PDE4D: variants seen among roughly 807,000 people sequenced by gnomAD.
The protein encoded by PDE4D is 3',5'-cyclic-AMP phosphodiesterase 4D.
Under a neutral mutation model 87.4 loss-of-function variants are expected in PDE4D, and 24 were observed. The observed-to-expected ratio is 0.27, with a 90% CI of 0.20 to 0.39. The LOEUF is 0.39. Ranked by LOEUF, PDE4D falls within the 10% of genes least tolerant of loss-of-function variation. The pLI, the probability that PDE4D is intolerant of heterozygous loss-of-function variation, is 1.00. For missense variants in PDE4D, 714 were observed against 1,041.0 expected (o/e 0.69, Z 4.32); for synonymous variants, 384 against 383.2 (o/e 1.00, Z -0.02).
chr5:59,391,114 A>C (rs1379196651), intron 1 of PDE4D, among the ~76,000 whole-genome samples: 1 of 152,136 alleles, frequency 6.6e-6, no homozygotes, highest in Non-Finnish European at 1.5e-5. Context: ...GGTGAGCCTT[A>C]AGTAAGCATA....
rs552324959 is a variant in PDE4D at position 59,287,821 on chromosome 5, A to G, written c.456-71853T>C. ...AGAGAAAAAAGAGTCTCTGCCTGGTAATCCAGAGAATGACTCTGGATATTA... is the reference window on the plus strand; with the variant it reads ...AGAGAAAAAAGAGTCTCTGCCTGGTGATCCAGAGAATGACTCTGGATATTA... On this transcript the variant is annotated intron_variant, in intron 1 of 14. Coordinates refer to ENST00000340635, the MANE Select transcript of PDE4D (RefSeq NM_001104631.2). 5.3e-5 allele frequency among the ~76,000 whole-genome samples: 8 copies of G among 152,256 alleles called. No homozygotes were observed. In the South Asian group the frequency reaches 1.7e-3, roughly 32 times the overall value.
At chr5:59,776,153 A>G (rs1183001420) in intron 1 of PDE4D, among the ~76,000 whole-genome samples, 6 of 152,156 alleles carry the variant, frequency 3.9e-5, no homozygotes, top group Non-Finnish European at 8.8e-5. Flanking sequence ...TGAAACCTAG[A>G]TTTTTATCTG....
chr5:59,743,391 A>G (rs543147592), intron 1 of PDE4D, among the ~76,000 whole-genome samples: 3 of 152,154 alleles, frequency 2.0e-5, no homozygotes, highest in African/African-American at 2.4e-5. Context: ...TTGAACAGAC[A>G]TTTCTTCAAA....
chr5:60,518,809 CAGA>C (rs1466288649), intron 1 of PDE4D, among the ~76,000 whole-genome samples: 7 of 152,178 alleles, frequency 4.6e-5, no homozygotes, highest in Admixed American at 2.6e-4. Flanking sequence ...AAACTATCAT[CAGA>C]TGACTAAATT....
chr5:59,100,709 CT>C (rs1770587565), intron 5 of PDE4D, among the ~76,000 whole-genome samples: 1 of 152,168 alleles, frequency 6.6e-6, no homozygotes, highest in Admixed American at 6.5e-5. Flanking sequence ...AGTCTAACTG[CT>C]TGTCATACTA....
intron 1 of PDE4D, among the ~76,000 whole-genome samples, chr5:59,708,030 CCATA>C (rs1753695744): frequency 6.6e-6 from 1 of 152,122 alleles, no homozygotes; most frequent in South Asian, 2.1e-4. Context: ...TGAGGAATCG[CCATA>C]CAGTCTTCCA....
At position 59,355,690 on chromosome 5, in the gene PDE4D, C is replaced by T. The variant is rs977177498; in HGVS notation, c.456-139722G>A. On this transcript the variant is annotated intron_variant, in intron 1 of 14. Transcript: ENST00000340635. ...CCTTTAGCTGGCAAATTATATTTAC[C>T]TCTTGCCAAAGTTTGCTTATGCATT... is the stretch of plus-strand genomic sequence containing the variant. 9.2e-5 allele frequency among the ~76,000 whole-genome samples: 14 copies of T among 151,860 alleles called. No individual in the cohort carries two copies. The East Asian group carries it at 2.7e-3, about 29-fold the overall frequency.
At chr5:59,531,796 C>T (rs917809755) in intron 1 of PDE4D, among the ~76,000 whole-genome samples, 3 of 152,300 alleles carry the variant, frequency 2.0e-5, no homozygotes, top group African/African-American at 4.8e-5. Flanking sequence ...TGGGCTAATA[C>T]GGACACTACA....
intron 1 of PDE4D, among the ~76,000 whole-genome samples, chr5:59,627,797 C>A (rs1831071024): frequency 1.3e-5 from 2 of 152,198 alleles, no homozygotes; most frequent in African/African-American, 4.8e-5. Context: ...ATCACCCCAG[C>A]ACTGCTTATC....
At position 60,360,098 on chromosome 5, in the gene PDE4D, G is replaced by A. The variant is rs183916177; in HGVS notation, c.-90+127844C>T. 1.7e-3 allele frequency among the ~76,000 whole-genome samples: 259 copies of A among 152,302 alleles called. 5 individuals are homozygous for A. Among genetic ancestry groups the A allele is most frequent in the Admixed American group, 0.016 (250 of 15,300 alleles). On this transcript the variant is annotated intron_variant, in intron 1 of 16. Transcript: ENST00000502484. ...TGAAATGTCCCCATAGAGCTAAAGT[G>A]GATGTGATTTGTTGCTAGGGCACAA...
chr5:59,590,291 C>T (rs534897717), intron 1 of PDE4D, among the ~76,000 whole-genome samples: 10 of 152,208 alleles, frequency 6.6e-5, no homozygotes, highest in African/African-American at 2.4e-4. Flanking sequence ...AATCTAAAAA[C>T]AAGTTGTCAA....
At chr5:60,049,168 G>A (rs1333060252) in intron 2 of PDE4D, among the ~76,000 whole-genome samples, 3 of 152,084 alleles carry the variant, frequency 2.0e-5, no homozygotes, top group African/African-American at 4.8e-5. Flanking sequence ...CAGCTCCTGA[G>A]GCTTCTGCAT....
At chr5:60,119,032 A>T (rs1316614587) in intron 2 of PDE4D, among the ~76,000 whole-genome samples, 1 of 152,148 alleles carries the variant, frequency 6.6e-6, no homozygotes, top group Non-Finnish European at 1.5e-5. Flanking sequence ...TCTTCCTGAA[A>T]CATGGTCTGA....
intron 2 of PDE4D, among the ~76,000 whole-genome samples, chr5:60,105,235 T>C (rs1450458297): frequency 6.6e-6 from 1 of 152,016 alleles, no homozygotes; most frequent in African/African-American, 2.4e-5. Context: ...CAGGAGCCAA[T>C]GCGATCAACT....
chr5:59,749,180 C>T lies in PDE4D; in HGVS notation c.455+143988G>A, dbSNP rs577965647. ...TATGCCACCAATTGGCTGCATGTTG[C>T]CAATGCAATGATCAATTCTCAGTTC... On this transcript the variant is annotated intron_variant, in intron 1 of 14. Transcript: ENST00000340635. Among the ~76,000 whole-genome samples the T allele has an allele frequency of 4.4e-4, 67 of 152,318 alleles. 1 individual carries two copies. The South Asian group carries it at 0.013, about 31-fold the overall frequency.
intron 1 of PDE4D, among the ~76,000 whole-genome samples, chr5:59,542,977 G>A (rs1262693550): frequency 6.6e-6 from 1 of 152,132 alleles, no homozygotes; most frequent in Non-Finnish European, 1.5e-5. Context: ...TACAATCCAT[G>A]ACAAGCAGAG....
chr5:60,412,312 T>C (rs961931268), intron 1 of PDE4D, among the ~76,000 whole-genome samples: 10 of 152,192 alleles, frequency 6.6e-5, no homozygotes, highest in African/African-American at 2.2e-4. Context: ...CAACACTGCA[T>C]CGTTTTTATA....
chr5:59,857,663 C>A (rs548732675), intron 1 of PDE4D, among the ~76,000 whole-genome samples: 72 of 152,088 alleles, frequency 4.7e-4, no homozygotes, highest in African/African-American at 1.6e-3. Context: ...GAAGACATTT[C>A]TCAATGAGTT....
At chr5:59,897,494 C>T (rs951976100), upstream of PDE4D, among the ~76,000 whole-genome samples, 1 of 151,714 alleles carries the variant, frequency 6.6e-6, no homozygotes, top group African/African-American at 2.4e-5. Context: ...GGTCCATGTG[C>T]TCAATGTGCA....
Sources: gnomAD v4.1 joint callset for allele counts (sites outside exome capture counted in the v4.1 genomes callset) on GRCh38, gnomAD v4.1.1 for gene constraint, MANE v1.5 for transcripts, NCBI Gene and HGNC (gene_info 2026-07-23, HGNC 2026-07-21) for gene names.